Variants in MYLK observed in about 807,000 individuals in gnomAD.
The protein encoded by MYLK is myosin light chain kinase, smooth muscle.
In MYLK, 106 loss-of-function variants were observed where a neutral mutation model predicts 203.4. The ratio of observed to expected loss-of-function variants is 0.52; its 90% CI spans 0.45 to 0.61. MYLK has a LOEUF of 0.61. Ranked by LOEUF, MYLK falls within the 20% of genes least tolerant of loss-of-function variation. The probability of loss-of-function intolerance (pLI) is 0.00; values close to 1 mark genes in which losing one functional copy is unlikely to be tolerated. For synonymous variants in MYLK, 867 were observed against 959.5 expected, an observed-to-expected ratio of 0.90 and a Z score of 1.78; for missense variants, 2,072 against 2,442.3, an observed-to-expected ratio of 0.85 and a Z score of 3.20.
At chr3:123,688,434 C>T (rs2060541299) in intron 19 of MYLK, among the ~76,000 whole-genome samples, 1 of 152,112 alleles carries the variant, frequency 6.6e-6, no homozygotes, top group Admixed American at 6.5e-5. Context: ...CTCATATCAG[C>T]TCTACAGCCA....
chr3:123,838,230 C>T (rs1407349013), intron 2 of MYLK, among the ~76,000 whole-genome samples: 1 of 151,844 alleles, frequency 6.6e-6, no homozygotes, highest in South Asian at 2.1e-4. Context: ...AAAGTGCAAA[C>T]CCAGAAAACA....
At chr3:123,794,930 G>A (rs1044835185) in intron 3 of MYLK, among the ~76,000 whole-genome samples, 1 of 151,920 alleles carries the variant, frequency 6.6e-6, no homozygotes, top group Non-Finnish European at 1.5e-5. Flanking sequence ...TCATCATTTC[G>A]CAAATAAAGA....
At chr3:123,637,851 C>A (rs2058697575) in intron 29 of MYLK, among the ~76,000 whole-genome samples, 1 of 152,206 alleles carries the variant, frequency 6.6e-6, no homozygotes, top group Non-Finnish European at 1.5e-5. Flanking sequence ...TGTGTAGCTA[C>A]ATGATGCTAT....
In MYLK at chr3:123,739,986, TGCTTC is replaced by T; in HGVS notation, c.384_388del (p.Lys129AlafsTer13). Reference sequence around the variant, plus strand: ...TTTGGAAACAACAGGCTGACCAAGCTGCTTCGCAAAACTTCCTGCAAGAAAAAGAG... The same window carrying T: ...TTTGGAAACAACAGGCTGACCAAGCTGCAAAACTTCCTGCAAGAAAAAGAG... On this transcript the variant is annotated frameshift_variant, in exon 6 of 34. Transcript: ENST00000360304. LOFTEE classifies it high-confidence loss of function. The T allele has an allele frequency of 6.2e-7, 1 of 1,613,964 alleles. No homozygotes were observed. The highest frequency in any genetic ancestry group is 1.7e-5 in the Admixed American group (1 of 60,022).
chr3:123,779,093 G>C (rs1312505466), intron 4 of MYLK, among the ~76,000 whole-genome samples: 1 of 152,172 alleles, frequency 6.6e-6, no homozygotes, highest in East Asian at 1.9e-4. Context: ...GCATGTGGGG[G>C]ACTGACTGGC....
intron 4 of MYLK, among the ~76,000 whole-genome samples, chr3:123,786,777 T>C (rs1333073614): frequency 6.6e-6 from 1 of 152,146 alleles, no homozygotes; most frequent in Non-Finnish European, 1.5e-5. Flanking sequence ...ATATATTTCC[T>C]ACTATGAACT....
chr3:123,704,607 T>C (rs889066774), intron 16 of MYLK, among the ~76,000 whole-genome samples: 2 of 152,132 alleles, frequency 1.3e-5, no homozygotes, highest in South Asian at 2.1e-4. Flanking sequence ...AAAATTACTT[T>C]AAAGAACTAA....
chr3:123,656,603 C>T (rs2059395250), intron 24 of MYLK, among the ~76,000 whole-genome samples: 1 of 152,190 alleles, frequency 6.6e-6, no homozygotes, highest in African/African-American at 2.4e-5. Context: ...CTCCAGAAAG[C>T]CTTCCTTGGT....
intron 2 of MYLK, among the ~76,000 whole-genome samples, chr3:123,861,428 G>A (rs555014470): frequency 6.6e-6 from 1 of 152,334 alleles, no homozygotes; most frequent in African/African-American, 2.4e-5. Flanking sequence ...ATCATAAGGA[G>A]AACCTTAGTT....
chr3:123,847,631 C>T (rs2030193340), intron 2 of MYLK, among the ~76,000 whole-genome samples: 1 of 152,056 alleles, frequency 6.6e-6, no homozygotes, highest in East Asian at 1.9e-4. Flanking sequence ...TGAATGAGTG[C>T]TAAATTCTGA....
rs1005321781 is a variant in MYLK, at chr3:123,613,700, T to G, written c.*405A>C. ...GTCAGGGGGTGGGGAGAGAGAGGCC[T>G]CCCATCCCCAGGAACCCTCTGGGCT... On this transcript the variant is annotated 3_prime_UTR_variant, in exon 34 of 34. Coordinates refer to ENST00000360304, the MANE Select transcript of MYLK (RefSeq NM_053025.4). The G allele has an allele frequency of 6.8e-5, 16 of 234,648 alleles. No homozygotes were observed. The highest frequency in any genetic ancestry group is 9.4e-5 in the African/African-American group (4 of 42,752). 14.5% of individuals were successfully genotyped at this position (234,648 alleles called of 1,614,324 possible).
At position 123,734,220 on chromosome 3, in the gene MYLK, G is replaced by T; in HGVS notation, c.776C>A (p.Ser259Ter). ...GGTGGCTTTTGTTTCTCTCACAAAT[G>T]ACCTGTGTGGTGGTGAGGGTGGGGG... Reference protein sequence around the residue: ...SIQGLDSANRSFVRETKATNS... With the variant: ...SIQGLDSANR The change falls in exon 10 of 34, where the codon TCA becomes TAA. Residue 259 changes from serine to a stop codon, truncating the protein, a stop_gained and splice_region_variant. Coordinates refer to ENST00000360304, the MANE Select transcript of MYLK (RefSeq NM_053025.4). LOFTEE classifies it high-confidence loss of function. 9.7e-7 allele frequency: 1 copy of T among 1,028,708 alleles called. No individual in the cohort carries two copies. The highest frequency in any genetic ancestry group is 1.4e-5 in the South Asian group (1 of 70,352). The allele number at this position is 1,028,708 out of a possible 1,614,324, so 63.7% of individuals were successfully genotyped here.
chr3:123,705,681 G>A (rs773711141), intron 16 of MYLK, among the ~76,000 whole-genome samples: 40 of 152,154 alleles, frequency 2.6e-4, no homozygotes, highest in African/African-American at 9.6e-4. Flanking sequence ...CCTGGTGCAC[G>A]CCTCCTCTCT....
At chr3:123,705,097 G>A (rs1458690522) in intron 16 of MYLK, among the ~76,000 whole-genome samples, 2 of 152,112 alleles carry the variant, frequency 1.3e-5, no homozygotes, top group African/African-American at 4.8e-5. Flanking sequence ...AATCCTAGCA[G>A]GGACAGGCAG....
In MYLK at chr3:123,739,980, CCAAG is replaced by C; in HGVS notation, c.391_394del (p.Leu131ValfsTer9). 1 of 1,613,978 alleles carries C rather than the reference CCAAG, an allele frequency of 6.2e-7. No individual in the cohort carries two copies. The highest frequency in any genetic ancestry group is 8.5e-7 in the Non-Finnish European group (1 of 1,179,876). On this transcript the variant is annotated frameshift_variant, in exon 6 of 34. Transcript: ENST00000360304. LOFTEE classifies it high-confidence loss of function. ...TAAGGTTTTGGAAACAACAGGCTGA[CCAAG>C]CTGCTTCGCAAAACTTCCTGCAAGA... is the stretch of plus-strand genomic sequence containing the variant.
Position 123,737,413 on chromosome 3 carries a change from C to T in MYLK, c.719G>A (p.Gly240Glu). 2 of 1,614,158 alleles carry T rather than the reference C, an allele frequency of 1.2e-6. No homozygotes were observed. Among genetic ancestry groups the T allele is most frequent in the Non-Finnish European group, 1.7e-6 (2 of 1,180,032 alleles). ...AAGTTCAGCTGACATCGAGGCCTTC[C>T]CCGACCCGTTCACCACCAGGCACGT... ...VYTCLVVNGS[G>E]KASMSAELSI... The change falls in exon 8 of 34, where the codon GGG becomes GAG. Residue 240 changes from glycine to glutamate, a missense_variant. This residue lies in a region of MYLK where 683 missense variants were observed against 643.8 expected (regional missense o/e 1.06). Coordinates refer to ENST00000360304, the MANE Select transcript of MYLK (RefSeq NM_053025.4).
chr3:123,727,058 C>T (rs56906527), intron 11 of MYLK, among the ~76,000 whole-genome samples: 17,070 of 152,178 alleles, frequency 0.11, 2,513 homozygotes, highest in African/African-American at 0.34. Flanking sequence ...GATGTGATTA[C>T]GACAATGTTA....
intron 20 of MYLK, among the ~76,000 whole-genome samples, chr3:123,676,173 G>A (rs992157103): frequency 3.3e-5 from 5 of 152,274 alleles, no homozygotes; most frequent in Non-Finnish European, 7.3e-5. Context: ...GGTGAGTTGG[G>A]AGGAGTAGTG....
intron 2 of MYLK, among the ~76,000 whole-genome samples, chr3:123,838,224 T>C (rs2148641089): frequency 6.6e-6 from 1 of 152,118 alleles, no homozygotes; most frequent in Admixed American, 6.5e-5. Flanking sequence ...TCTGAAAAAG[T>C]GCAAACCCAG....
Sources: gnomAD v4.1 joint callset for allele counts (sites outside exome capture counted in the v4.1 genomes callset) on GRCh38, gnomAD v4.1.1 for gene constraint, gnomAD v4.1.1 regional missense constraint, MANE v1.5 for transcripts, NCBI Gene and HGNC (gene_info 2026-07-23, HGNC 2026-07-21) for gene names.